SDCCAG8: variants seen among roughly 807,000 people sequenced by gnomAD.
SDCCAG8 encodes serologically defined colon cancer antigen 8.
Under a neutral mutation model 101.8 loss-of-function variants are expected in SDCCAG8, and 74 were observed. The ratio of observed to expected loss-of-function variants is 0.73; its 90% CI spans 0.60 to 0.88. The LOEUF is 0.88. Ranked by LOEUF, SDCCAG8 falls within the 40% of genes least tolerant of loss-of-function variation. The pLI is 0.00. For missense variants in SDCCAG8, 787 were observed against 822.6 expected (o/e 0.96, Z 0.53); for synonymous variants, 281 against 292.9 (o/e 0.96, Z 0.41).
At position 243,447,225 on chromosome 1, in the gene SDCCAG8, G is replaced by A. The variant is rs369101827; in HGVS notation, c.1985+20667G>A. Among the ~76,000 whole-genome samples, 300 of 134,908 alleles carry A rather than the reference G, an allele frequency of 2.2e-3. 2 individuals carry two copies. The highest frequency in any genetic ancestry group is 7.8e-3 in the African/African-American group (277 of 35,540). 88.5% of individuals were successfully genotyped at this position (134,908 alleles called of 152,430 possible). On this transcript the variant is annotated intron_variant, in intron 16 of 17. Coordinates refer to ENST00000366541, the MANE Select transcript of SDCCAG8 (RefSeq NM_006642.5). ...GATCGCGCCACGGCACTCCAGCCTG[G>A]GTGACAGAACAAGACTTCGTCTCAA... is the stretch of plus-strand genomic sequence containing the variant.
In SDCCAG8 at chr1:243,274,540, T is replaced by C. The variant is rs901028030; in HGVS notation, c.307-3T>C. The C allele has an allele frequency of 3.4e-6, 5 of 1,488,084 alleles. No homozygotes were observed. The Admixed American group carries it at 6.7e-5, about 20-fold the overall frequency. 92.2% of individuals were successfully genotyped at this position (1,488,084 alleles called of 1,614,324 possible). A position where few individuals can be genotyped will look rare whatever the true frequency, so the allele number is the denominator to read the frequency against. On this transcript the variant is annotated splice_region_variant and splice_polypyrimidine_tract_variant and intron_variant, in intron 3 of 17. Coordinates refer to ENST00000366541, the MANE Select transcript of SDCCAG8 (RefSeq NM_006642.5). ...GTATTTATTTATTTATTTTTTGTCA[T>C]AGAGGTCATTAGAACATGAGGAAAC... is the stretch of plus-strand genomic sequence containing the variant.
At chr1:243,323,059 C>T (rs1034425944) in intron 9 of SDCCAG8, among the ~76,000 whole-genome samples, 2 of 151,074 alleles carry the variant, frequency 1.3e-5, no homozygotes, top group African/African-American at 2.4e-5. Flanking sequence ...TGCTTGAACC[C>T]GGGAGGCAGA....
chr1:243,468,242 G>A (rs572997004), intron 16 of SDCCAG8, among the ~76,000 whole-genome samples: 9 of 147,836 alleles, frequency 6.1e-5, no homozygotes, highest in Non-Finnish European at 1.0e-4. Context: ...TTTTTGAGAC[G>A]GAGTCAGCTG....
At chr1:243,391,200 C>T (rs2078677097) in intron 13 of SDCCAG8, among the ~76,000 whole-genome samples, 1 of 152,188 alleles carries the variant, frequency 6.6e-6, no homozygotes, top group Non-Finnish European at 1.5e-5. Flanking sequence ...CCGTGATACC[C>T]ACAAAGTACA....
At chr1:243,397,598 A>G (rs2079102656) in intron 13 of SDCCAG8, among the ~76,000 whole-genome samples, 1 of 119,384 alleles carries the variant, frequency 8.4e-6, no homozygotes, top group South Asian at 2.6e-4. Context: ...GCAATGTTAG[A>G]ATAGATGCCG....
chr1:243,367,709 A>G (rs1478703840), intron 12 of SDCCAG8, among the ~76,000 whole-genome samples: 1 of 149,992 alleles, frequency 6.7e-6, no homozygotes, highest in African/African-American at 2.4e-5. Context: ...GTCAACTTGA[A>G]TATATTACAT....
intron 16 of SDCCAG8, among the ~76,000 whole-genome samples, chr1:243,448,179 G>A (rs1411705199): frequency 1.3e-5 from 2 of 152,216 alleles, no homozygotes; most frequent in Non-Finnish European, 2.9e-5. Context: ...GGTTCATCCA[G>A]GCTTCTGGGA....
At chr1:243,395,752 A>G (rs2078996677) in intron 13 of SDCCAG8, among the ~76,000 whole-genome samples, 1 of 152,130 alleles carries the variant, frequency 6.6e-6, no homozygotes, top group Admixed American at 6.5e-5. Context: ...AATCCTTTTC[A>G]TAAATTATAA....
chr1:243,386,235 G>A (rs866934765), intron 13 of SDCCAG8, among the ~76,000 whole-genome samples: 2 of 152,174 alleles, frequency 1.3e-5, no homozygotes, highest in Non-Finnish European at 2.9e-5. Context: ...AGGTTACACA[G>A]CTGATATGTT....
At chr1:243,465,193 G>T (rs1325064864) in intron 16 of SDCCAG8, among the ~76,000 whole-genome samples, 1 of 152,200 alleles carries the variant, frequency 6.6e-6, no homozygotes, top group African/African-American at 2.4e-5. Context: ...TTTTGGGAGG[G>T]TCGGGGCTGG....
chr1:243,429,993 G>A (rs1283332025), intron 16 of SDCCAG8, among the ~76,000 whole-genome samples: 2 of 151,956 alleles, frequency 1.3e-5, no homozygotes, highest in Admixed American at 6.6e-5. Flanking sequence ...CACCATGCCT[G>A]GCCTAATTTT....
chr1:243,386,755 A>G (rs2078321773), intron 13 of SDCCAG8, among the ~76,000 whole-genome samples: 2 of 148,296 alleles, frequency 1.3e-5, no homozygotes, highest in African/African-American at 5.2e-5. Context: ...TCCATCTCAA[A>G]AAAGAAAGAA....
intron 12 of SDCCAG8, among the ~76,000 whole-genome samples, chr1:243,359,619 C>T (rs2076581346): frequency 6.6e-6 from 1 of 152,052 alleles, no homozygotes; most frequent in African/African-American, 2.4e-5. Context: ...AGACAGAGCC[C>T]CACAAAACTG....
intron 16 of SDCCAG8, among the ~76,000 whole-genome samples, chr1:243,453,096 T>G (rs987942246): frequency 1.3e-5 from 2 of 152,254 alleles, no homozygotes; most frequent in African/African-American, 4.8e-5. Flanking sequence ...TACATTTATC[T>G]TATGACTCTC....
At chr1:243,270,768 A>G (rs761811691) in intron 2 of SDCCAG8, among the ~76,000 whole-genome samples, 2 of 151,758 alleles carry the variant, frequency 1.3e-5, no homozygotes, top group African/African-American at 2.4e-5. Flanking sequence ...TTTTATATCT[A>G]TTAGTGTCTC....
At chr1:243,438,516 T>TTGTGTGTGTGTGTGTGTG (rs147959124) in intron 16 of SDCCAG8, among the ~76,000 whole-genome samples, 4 of 146,428 alleles carry the variant, frequency 2.7e-5, no homozygotes, top group African/African-American at 1.0e-4. Context: ...GTGGGAGTGA[T>TTGTGTGTGTGTGTGTGTG]TGTGTGTGTG....
At chr1:243,435,767 G>C (rs2082086828) in intron 16 of SDCCAG8, among the ~76,000 whole-genome samples, 1 of 150,922 alleles carries the variant, frequency 6.6e-6, no homozygotes, top group South Asian at 2.1e-4. Flanking sequence ...TCCTCTATTC[G>C]ATGGTGAAAA....
At chr1:243,442,584 A>G (rs1330742586) in intron 16 of SDCCAG8, among the ~76,000 whole-genome samples, 2 of 151,904 alleles carry the variant, frequency 1.3e-5, no homozygotes, top group Non-Finnish European at 2.9e-5. Flanking sequence ...ATTTTCATAG[A>G]TAACCTAATC....
intron 16 of SDCCAG8, among the ~76,000 whole-genome samples, chr1:243,455,579 T>C (rs2083682689): frequency 1.3e-5 from 2 of 152,248 alleles, no homozygotes; most frequent in South Asian, 4.1e-4. Context: ...TATTTCCATC[T>C]ATCTTGATCA....
Sources: allele counts gnomAD v4.1 joint callset (sites outside exome capture counted in the v4.1 genomes callset), GRCh38; gene constraint gnomAD v4.1.1; transcripts MANE v1.5; gene names NCBI Gene and HGNC (gene_info 2026-07-23, HGNC 2026-07-21).